Variants in VDAC1 observed in about 807,000 individuals in gnomAD.
VDAC1 encodes non-selective voltage-gated ion channel VDAC1.
In VDAC1, 10 loss-of-function variants were observed where a neutral mutation model predicts 34.7. The observed-to-expected ratio is 0.29, with a 90% CI of 0.18 to 0.49. The LOEUF (loss-of-function observed/expected upper bound fraction) is 0.49. VDAC1 is among the 20% of genes least tolerant of loss of function. VDAC1 has a pLI of 0.99. For synonymous variants in VDAC1, 130 were observed against 136.0 expected (o/e 0.96, Z 0.30); for missense variants, 230 against 347.9 (o/e 0.66, Z 2.69).
chr5:134,075,808 A>T, the VDAC1 span, among the ~76,000 whole-genome samples: 1 of 151,708 alleles, frequency 6.6e-6, no homozygotes, highest in Non-Finnish European at 1.5e-5. Flanking sequence ...GATGGTCTCG[A>T]TCTCCTGACC....
At chr5:134,098,292 G>A in the VDAC1 span, among the ~76,000 whole-genome samples, 3 of 151,872 alleles carry the variant, frequency 2.0e-5, no homozygotes, top group African/African-American at 4.8e-5. Flanking sequence ...TTACCTCTCA[G>A]GTTCAAGCAA....
the VDAC1 span, among the ~76,000 whole-genome samples, chr5:134,056,949 A>G: frequency 1.5e-3 from 229 of 151,148 alleles, no homozygotes; most frequent in Admixed American, 3.8e-3. Flanking sequence ...CCAGCCTCCC[A>G]AAGTTCTGGG....
chr5:133,991,223 A>G (rs376746898), intron 3 of VDAC1, 69 bp from the exon 4 acceptor site: 16 of 1,587,022 alleles, frequency 1.0e-5, no homozygotes, highest in Non-Finnish European at 1.2e-5. Context: ...ACTCCTAAAC[A>G]CTATACTTGC....
intron 1 of VDAC1, among the ~76,000 whole-genome samples, chr5:133,994,900 CT>C: frequency 6.6e-6 from 1 of 152,210 alleles, no homozygotes; most frequent in East Asian, 1.9e-4. Context: ...CACCTAAGAC[CT>C]CCCTGGACCT....
chr5:134,030,721 C>A, the VDAC1 span, among the ~76,000 whole-genome samples: 1 of 152,084 alleles, frequency 6.6e-6, no homozygotes, highest in South Asian at 2.1e-4. Flanking sequence ...GATTCTCCTG[C>A]CTCAGCCTCC....
the VDAC1 span, among the ~76,000 whole-genome samples, chr5:134,113,211 C>T: frequency 6.6e-6 from 1 of 152,214 alleles, no homozygotes; most frequent in African/African-American, 2.4e-5. Context: ...GGGCAGGGTC[C>T]CCCTCATCTC....
intron 5 of VDAC1, among the ~76,000 whole-genome samples, chr5:133,987,096 C>T (rs769306793): frequency 4.6e-5 from 7 of 152,214 alleles, no homozygotes; most frequent in Admixed American, 3.3e-4. Flanking sequence ...TGGTGGCTCA[C>T]ACCTGTAATC....
chr5:134,009,363 G>A (rs933542634), upstream of VDAC1, among the ~76,000 whole-genome samples: 1 of 142,950 alleles, frequency 7.0e-6, no homozygotes, highest in South Asian at 2.3e-4. Flanking sequence ...CCTGGTTCAA[G>A]CAATTCTGCC....
chr5:134,021,199 T>G, the VDAC1 span, among the ~76,000 whole-genome samples: 2 of 148,372 alleles, frequency 1.3e-5, no homozygotes, highest in Non-Finnish European at 3.0e-5. Context: ...TTTTTTTTTA[T>G]TATTATACTT....
the VDAC1 span, among the ~76,000 whole-genome samples, chr5:134,108,249 G>A: frequency 0.016 from 2,447 of 152,222 alleles, 63 homozygotes; most frequent in African/African-American, 0.055. Context: ...CCCCCACCCT[G>A]GGAGCCTGAA....
chr5:133,980,634 TAA>T (rs55708320), intron 6 of VDAC1, 93 bp downstream of exon 6: 10,022 of 576,350 alleles, frequency 0.017, 28 homozygotes, highest in African/African-American at 0.053. Flanking sequence ...TGGGCTTTCT[TAA>T]AAAAAAAAAA....
the VDAC1 span, among the ~76,000 whole-genome samples, chr5:134,025,715 G>A: frequency 1.5e-4 from 23 of 151,638 alleles, no homozygotes; most frequent in African/African-American, 5.6e-4. Context: ...TCAGCCTCCC[G>A]ACTAGCTGGG....
the VDAC1 span, among the ~76,000 whole-genome samples, chr5:134,043,017 G>C: frequency 6.6e-6 from 1 of 152,176 alleles, no homozygotes; most frequent in South Asian, 2.1e-4. Flanking sequence ...TCCTGAGCTT[G>C]GATGAAAGAA....
the VDAC1 span, among the ~76,000 whole-genome samples, chr5:134,031,932 C>T: frequency 7.4e-6 from 1 of 135,468 alleles, no homozygotes. Context: ...GCCTCGGTGA[C>T]AGAGCGAGAC....
chr5:134,050,142 G>A, the VDAC1 span, among the ~76,000 whole-genome samples: 3 of 152,026 alleles, frequency 2.0e-5, no homozygotes, highest in East Asian at 1.9e-4. Context: ...CCAGCAACTC[G>A]GGAGGCTGAG....
chr5:134,034,366 T>TA, the VDAC1 span, among the ~76,000 whole-genome samples: 4 of 152,174 alleles, frequency 2.6e-5, no homozygotes, highest in Non-Finnish European at 2.9e-5. Flanking sequence ...TTTTCACAGA[T>TA]ACTATCATTA....
the VDAC1 span, among the ~76,000 whole-genome samples, chr5:134,063,492 A>T: frequency 5.9e-5 from 9 of 152,354 alleles, no homozygotes; most frequent in African/African-American, 2.2e-4. Flanking sequence ...GGCCAATGAG[A>T]CATTAGCAAG....
the VDAC1 span, among the ~76,000 whole-genome samples, chr5:134,050,518 T>C: frequency 6.8e-6 from 1 of 146,758 alleles, no homozygotes; most frequent in Non-Finnish European, 1.5e-5. Context: ...GAATGCAAAA[T>C]ACTGAGTGTG....
chr5:134,112,088 TG>T, the VDAC1 span, among the ~76,000 whole-genome samples: 1 of 152,154 alleles, frequency 6.6e-6, no homozygotes, highest in Non-Finnish European at 1.5e-5. Flanking sequence ...GGGACTCCTG[TG>T]GGGCCGCACC....
Sources: allele counts gnomAD v4.1 joint callset (sites outside exome capture counted in the v4.1 genomes callset), GRCh38; gene constraint gnomAD v4.1.1; transcripts MANE v1.5; gene names NCBI Gene and HGNC (gene_info 2026-07-23, HGNC 2026-07-21).